The following UBR2 variants were observed in gnomAD, a reference collection of about 807,000 sequenced individuals.
The protein encoded by UBR2 is E3 ubiquitin-protein ligase UBR2.
UBR2 carries 92 observed loss-of-function variants against 247.9 expected under a neutral mutation model. The ratio of observed to expected loss-of-function variants is 0.37; its 90% confidence interval spans 0.31 to 0.44. UBR2 has a LOEUF of 0.44. Among genes scored for constraint, UBR2 ranks in the 20% least tolerant of loss-of-function variants. The pLI is 1.00. For synonymous variants in UBR2, 672 were observed against 693.5 expected (o/e 0.97, Z 0.49); for missense variants, 1,613 against 2,112.6 (o/e 0.76, Z 4.64).
At position 42,644,514 on chromosome 6, in the gene UBR2, A is replaced by C; in HGVS notation, c.2262A>C (p.Leu754=). The C allele has an allele frequency of 6.2e-7, 1 of 1,610,838 alleles. No homozygotes were observed. The highest frequency in any genetic ancestry group is 8.5e-7 in the Non-Finnish European group (1 of 1,179,062). The change falls in exon 20 of 47, where the codon CTA becomes CTC. Residue 754 remains leucine (L), a synonymous_variant. Transcript: ENST00000372901. ...QQNNTLIEEM[L]YLIIMLVGER... ...ACAATACTCTAATAGAAGAAATGCT[A>C]TACCTCATTATAATGCTTGTTGGTA...
intron 1 of UBR2, among the ~76,000 whole-genome samples, chr6:42,568,902 C>T (rs912919274): frequency 1.2e-4 from 18 of 152,250 alleles, no homozygotes; most frequent in Non-Finnish European, 2.4e-4. Context: ...TTCCAATGAG[C>T]ACTTCTTTGA....
intron 46 of UBR2, among the ~76,000 whole-genome samples, chr6:42,690,796 TA>T (rs773424097): frequency 1.3e-5 from 2 of 152,140 alleles, no homozygotes; most frequent in Non-Finnish European, 2.9e-5. Context: ...TCACTCTGGG[TA>T]AGTCTGGTTT....
rs866733780 is a variant in UBR2, at chr6:42,632,067, A to T, written c.1282-485A>T. Among the ~76,000 whole-genome samples, 456 of 80,350 alleles carry T rather than the reference A, an allele frequency of 5.7e-3. 1 individual carries two copies. The highest frequency in any genetic ancestry group is 0.011 in the Admixed American group (80 of 7,100). The allele number at this position is 80,350 out of a possible 152,430, so 52.7% of individuals were successfully genotyped here. On this transcript the variant is annotated intron_variant, in intron 11 of 46. Transcript: ENST00000372901. Reference sequence around the variant, plus strand: ...TGTATTTGCTTATTTAAAAAAAAAAAAAATATATATATATATATATATATG... The same window carrying T: ...TGTATTTGCTTATTTAAAAAAAAAATAAATATATATATATATATATATATG...
At chr6:42,619,380 T>C (rs1270951234) in intron 11 of UBR2, 1 of 134,774 alleles carries the variant, frequency 7.4e-6, no homozygotes, top group African/African-American at 2.7e-5. Context: ...TTTATGTTCT[T>C]AGTAAAAACT....
Position 42,689,552 on chromosome 6 carries a change from G to A in UBR2, c.5025-17G>A. 1 of 1,610,768 alleles carries A rather than the reference G, an allele frequency of 6.2e-7. No individual in the cohort carries two copies. Among genetic ancestry groups the A allele is most frequent in the Non-Finnish European group, 8.5e-7 (1 of 1,177,092 alleles). ...ACTAATGTGTAAATGTGTAACGTAT[G>A]ACTGATCTCTCTACAGAGTACGGGA... On this transcript the variant is annotated splice_polypyrimidine_tract_variant and intron_variant, in intron 45 of 46. Transcript: ENST00000372901. The surrounding 1 kb of genome is among the most constrained non-coding windows in gnomAD (Gnocchi z 4.0).
At chr6:42,568,739 A>G (rs1257253028) in intron 1 of UBR2, among the ~76,000 whole-genome samples, 1 of 152,146 alleles carries the variant, frequency 6.6e-6, no homozygotes, top group Admixed American at 6.5e-5. Flanking sequence ...CAAAAAAAAA[A>G]TAATAAAAAT....
intron 21 of UBR2, among the ~76,000 whole-genome samples, chr6:42,646,603 G>A (rs1796766634): frequency 6.6e-6 from 1 of 152,124 alleles, no homozygotes; most frequent in South Asian, 2.1e-4. Flanking sequence ...AGGGCAGGAT[G>A]TGGAATGCTA....
intron 16 of UBR2, among the ~76,000 whole-genome samples, 179 bp from the exon 17 acceptor site, chr6:42,641,403 G>T (rs143421349): frequency 2.0e-5 from 3 of 152,026 alleles, no homozygotes; most frequent in East Asian, 3.9e-4. Context: ...GGCCGAGATC[G>T]CACCACTGCA....
At chr6:42,620,478 G>GTTTTTTTTTTTT (rs1358769362) in intron 11 of UBR2, 1 of 100,956 alleles carries the variant, frequency 9.9e-6, no homozygotes, top group East Asian at 2.5e-4. Context: ...AATATTAAGT[G>GTTTTTTTTTTTT]TTGTTTTTTT....
intron 2 of UBR2, among the ~76,000 whole-genome samples, chr6:42,589,326 C>T (rs1239512398): frequency 2.6e-5 from 4 of 152,168 alleles, no homozygotes; most frequent in Non-Finnish European, 5.9e-5. Context: ...GATAGATTTA[C>T]ATGATTTTCA....
At position 42,647,615 on chromosome 6, in the gene UBR2, T is replaced by C. The variant is rs558233023; in HGVS notation, c.2410-503T>C. Among the ~76,000 whole-genome samples, 3 of 151,798 alleles carry C rather than the reference T, an allele frequency of 2.0e-5. No homozygotes were observed. The South Asian group carries it at 6.2e-4, about 32-fold the overall frequency. ...TGTCTCAAAAAAATAAAAAATAAAG[T>C]GATTGTAACTGTATTTCCCAAACAT... On this transcript the variant is annotated intron_variant, in intron 21 of 46. Coordinates refer to ENST00000372901, the MANE Select transcript of UBR2 (RefSeq NM_001363705.2).
At chr6:42,660,727 C>T (rs546717938) in intron 30 of UBR2, among the ~76,000 whole-genome samples, 171 of 151,816 alleles carry the variant, frequency 1.1e-3, no homozygotes, top group African/African-American at 3.9e-3. Flanking sequence ...TTTGGGAGGC[C>T]GAGGCAGGTG....
chr6:42,660,991 G>GT lies in UBR2; in HGVS notation c.3442+1141dup, dbSNP rs200368943. 6.2e-3 allele frequency among the ~76,000 whole-genome samples: 629 copies of GT among 101,724 alleles called. 3 individuals are homozygous for GT. Among genetic ancestry groups the GT allele is most frequent in the African/African-American group, 0.017 (409 of 24,684 alleles). 66.7% of individuals were successfully genotyped at this position (101,724 alleles called of 152,430 possible). ...GGTTTTTTTGTTTGTTTGTTTGTTT[G>GT]TTTTTAAAAAAAAAAAAAAAGGCCA... On this transcript the variant is annotated intron_variant, in intron 30 of 46. Transcript: ENST00000372901.
At chr6:42,578,565 A>G (rs1791667956) in intron 2 of UBR2, among the ~76,000 whole-genome samples, 1 of 152,084 alleles carries the variant, frequency 6.6e-6, no homozygotes, top group African/African-American at 2.4e-5. Context: ...AGTAACGTGT[A>G]TGAAAGCACA....
intron 1 of UBR2, among the ~76,000 whole-genome samples, chr6:42,567,811 G>A (rs929127761): frequency 7.2e-5 from 11 of 152,094 alleles, no homozygotes; most frequent in Non-Finnish European, 1.5e-4. Context: ...TGAGGTGGGA[G>A]GACTGCTTAA....
chr6:42,636,750 A>T lies in UBR2; in HGVS notation c.1675-261A>T, dbSNP rs563119569. On this transcript the variant is annotated intron_variant, in intron 14 of 46. Coordinates refer to ENST00000372901, the MANE Select transcript of UBR2 (RefSeq NM_001363705.2). ...GAGAAACTTAGAAGATGAAGTTGCC[A>T]GCTTGGTAATAGATTGGACAATGGG... 2.3e-3 allele frequency among the ~76,000 whole-genome samples: 352 copies of T among 152,276 alleles called. 1 individual carries two copies. Among genetic ancestry groups the T allele is most frequent in the African/African-American group, 8.1e-3 (335 of 41,554 alleles).
rs1034926045 is a variant in UBR2, at chr6:42,578,958, A to AAC, written c.338+4977_338+4978dup. ...AGCCTGGGCGAAACTCCATCTCAAA[A>AAC]ACACACACACACAAACACACACACA... On this transcript the variant is annotated intron_variant, in intron 2 of 46. Transcript: ENST00000372901. Among the ~76,000 whole-genome samples, 232 of 116,382 alleles carry AAC rather than the reference A, an allele frequency of 2.0e-3. 7 individuals carry two copies. In the East Asian group the frequency reaches 0.038, roughly 19 times the overall value. The allele number at this position is 116,382 out of a possible 152,430, so 76.4% of individuals were successfully genotyped here.
intron 7 of UBR2, among the ~76,000 whole-genome samples, chr6:42,610,907 G>A (rs1158765532): frequency 2.7e-5 from 4 of 150,470 alleles, no homozygotes; most frequent in East Asian, 4.0e-4. Flanking sequence ...GTGCAATGGC[G>A]CGATCTCAGC....
chr6:42,576,130 T>C (rs1295745263), intron 2 of UBR2, among the ~76,000 whole-genome samples: 1 of 152,164 alleles, frequency 6.6e-6, no homozygotes, highest in Non-Finnish European at 1.5e-5. Flanking sequence ...CCAAGGATCC[T>C]GGTTCTTTTT....
Sources: gnomAD v4.1 joint callset for allele counts (sites outside exome capture counted in the v4.1 genomes callset) on GRCh38, gnomAD v4.1.1 for gene constraint, Gnocchi (gnomAD v3.1) non-coding constraint, MANE v1.5 for transcripts, NCBI Gene and HGNC (gene_info 2026-07-23, HGNC 2026-07-21) for gene names.